ANKS1B: variants seen among roughly 807,000 people sequenced by gnomAD.
ANKS1B encodes the protein ankyrin repeat and sterile alpha motif domain-containing protein 1B.
ANKS1B carries 36 observed loss-of-function variants against 148.3 expected under a neutral mutation model. The observed-to-expected ratio is 0.24, with a 90% confidence interval of 0.19 to 0.32. ANKS1B has a LOEUF of 0.32. Among genes scored for constraint, ANKS1B ranks in the 10% least tolerant of loss-of-function variants. ANKS1B has a pLI of 1.00. For synonymous variants in ANKS1B, 542 were observed against 560.8 expected, an observed-to-expected ratio of 0.97 and a Z score of 0.47; for missense variants, 1,157 against 1,542.6, an observed-to-expected ratio of 0.75 and a Z score of 4.19.
chr12:99,497,765 T>C (rs2096617634), intron 10 of ANKS1B, among the ~76,000 whole-genome samples: 1 of 147,880 alleles, frequency 6.8e-6, no homozygotes, highest in Non-Finnish European at 1.5e-5. Context: ...GGGCATAATA[T>C]GGGGGGGACA....
chr12:99,915,336 C>T (rs868408920), intron 1 of ANKS1B, among the ~76,000 whole-genome samples: 1 of 151,502 alleles, frequency 6.6e-6, no homozygotes, highest in Non-Finnish European at 1.5e-5. Context: ...GCCTATCTGA[C>T]ATGTGTCATT....
intron 2 of ANKS1B, among the ~76,000 whole-genome samples, chr12:99,824,491 C>T (rs2082914938): frequency 6.7e-6 from 1 of 149,398 alleles, no homozygotes; most frequent in Non-Finnish European, 1.5e-5. Flanking sequence ...AGGAGTGAGA[C>T]TCTGTCTCAA....
chr12:99,665,037 G>T (rs896086851), intron 8 of ANKS1B, among the ~76,000 whole-genome samples: 1 of 152,094 alleles, frequency 6.6e-6, no homozygotes, highest in Non-Finnish European at 1.5e-5. Flanking sequence ...ATGGGCATTT[G>T]GTTGTTTTCA....
intron 9 of ANKS1B, among the ~76,000 whole-genome samples, chr12:99,559,996 G>C (rs551658665): frequency 1.3e-5 from 2 of 152,240 alleles, no homozygotes; most frequent in South Asian, 4.1e-4. Context: ...AAGTGTTTCA[G>C]TACTTCAGAA....
At chr12:99,581,958 C>T (rs1251286148) in intron 9 of ANKS1B, among the ~76,000 whole-genome samples, 2 of 147,922 alleles carry the variant, frequency 1.4e-5, no homozygotes, top group African/African-American at 5.0e-5. Flanking sequence ...TTGGATTAAA[C>T]ATACATCTGA....
rs116030391 is a variant in ANKS1B at position 99,453,612 on chromosome 12, G to A, written c.1439-9803C>T. On this transcript the variant is annotated intron_variant, in intron 10 of 26. Transcript: ENST00000683438. ...GCCAACAGCTTGCTTACAGCCTCCC[G>A]GGAAATCTTGAGTCAGAGGCATCCC... Among the ~76,000 whole-genome samples the A allele has an allele frequency of 5.8e-3, 882 of 152,234 alleles. 7 individuals are homozygous for A. The highest frequency in any genetic ancestry group is 0.02 in the African/African-American group (813 of 41,528).
At chr12:99,731,952 G>A (rs527942957) in intron 8 of ANKS1B, among the ~76,000 whole-genome samples, 23 of 152,174 alleles carry the variant, frequency 1.5e-4, no homozygotes, top group African/African-American at 4.8e-4. Context: ...TAAAGAATTC[G>A]TTCAACTGAA....
At chr12:99,698,768 CATTCTT>C (rs1279821117) in intron 8 of ANKS1B, among the ~76,000 whole-genome samples, 1 of 152,154 alleles carries the variant, frequency 6.6e-6, no homozygotes, top group Non-Finnish European at 1.5e-5. Flanking sequence ...AATGCTTACT[CATTCTT>C]AATGTTTCAG....
chr12:99,707,229 T>G (rs2153530290), intron 8 of ANKS1B, among the ~76,000 whole-genome samples: 2 of 152,168 alleles, frequency 1.3e-5, no homozygotes, highest in East Asian at 3.9e-4. Context: ...AGCCTCCAGT[T>G]TGTTTGCATC....
At chr12:99,717,990 G>T (rs1299727035) in intron 8 of ANKS1B, among the ~76,000 whole-genome samples, 1 of 136,882 alleles carries the variant, frequency 7.3e-6, no homozygotes, top group Non-Finnish European at 1.5e-5. Flanking sequence ...TGCAAGCTCC[G>T]CCTCCCGGGT....
chr12:99,544,833 A>G (rs1414736867), intron 9 of ANKS1B, among the ~76,000 whole-genome samples: 2 of 152,186 alleles, frequency 1.3e-5, no homozygotes, highest in Non-Finnish European at 2.9e-5. Flanking sequence ...ATAAAGTCTT[A>G]CATAGTTTTC....
At chr12:99,318,608 T>C (rs1029329682) in intron 12 of ANKS1B, among the ~76,000 whole-genome samples, 1 of 152,186 alleles carries the variant, frequency 6.6e-6, no homozygotes, top group African/African-American at 2.4e-5. Flanking sequence ...TTGTTGATCT[T>C]TTCAAAAAAC....
intron 17 of ANKS1B, among the ~76,000 whole-genome samples, chr12:98,997,998 T>C (rs1328230680): frequency 6.6e-6 from 1 of 152,218 alleles, no homozygotes; most frequent in East Asian, 1.9e-4. Flanking sequence ...GAATACTGCC[T>C]TGGCCTGTCT....
At chr12:99,548,580 T>C (rs191828719) in intron 9 of ANKS1B, among the ~76,000 whole-genome samples, 1 of 152,196 alleles carries the variant, frequency 6.6e-6, no homozygotes, top group Admixed American at 6.5e-5. Context: ...TCTTTAAAAA[T>C]GTAAATCTTC....
At chr12:99,382,250 T>TG (rs986473082) in intron 12 of ANKS1B, among the ~76,000 whole-genome samples, 8 of 152,184 alleles carry the variant, frequency 5.3e-5, no homozygotes, top group African/African-American at 1.9e-4. Context: ...GGTGCCCACA[T>TG]GTCCAATCAC....
At chr12:99,386,367 A>G (rs779527160) in intron 12 of ANKS1B, 5 of 152,168 alleles carry the variant, frequency 3.3e-5, no homozygotes, top group African/African-American at 9.7e-5. Flanking sequence ...GATCATCACT[A>G]ATATGTTGAA....
At chr12:98,805,228 A>G (rs1328811318) in intron 20 of ANKS1B, among the ~76,000 whole-genome samples, 1 of 152,090 alleles carries the variant, frequency 6.6e-6, no homozygotes, top group Non-Finnish European at 1.5e-5. Flanking sequence ...AAAGATCTTC[A>G]TATTCCAAGA....
chr12:99,386,244 A>G (rs1384013020), intron 12 of ANKS1B: 2 of 152,220 alleles, frequency 1.3e-5, no homozygotes, highest in African/African-American at 2.4e-5. Flanking sequence ...CAGGGGAACT[A>G]TGCTACGGAA....
intron 17 of ANKS1B, among the ~76,000 whole-genome samples, chr12:98,884,805 CAAAAAAAAAA>C (rs35160751): frequency 1.2e-5 from 1 of 83,828 alleles, no homozygotes; most frequent in Non-Finnish European, 2.4e-5. Context: ...GACTCCGTCT[CAAAAAAAAAA>C]AAAAAAAAAA....
Sources: gnomAD v4.1 joint callset for allele counts (sites outside exome capture counted in the v4.1 genomes callset) on GRCh38, gnomAD v4.1.1 for gene constraint, MANE v1.5 for transcripts, NCBI Gene and HGNC (gene_info 2026-07-23, HGNC 2026-07-21) for gene names.